The following MARK3 variants were observed in gnomAD, a reference collection of about 807,000 sequenced individuals.
MARK3 encodes microtubule affinity regulating kinase 3, also known as MAP/microtubule affinity-regulating kinase 3.
Under a neutral mutation model 90.1 loss-of-function variants are expected in MARK3, and 46 were observed. The observed-to-expected ratio is 0.51, with a 90% CI of 0.40 to 0.65. The LOEUF (loss-of-function observed/expected upper bound fraction) is 0.65, where lower values mean the gene tolerates loss of function less well. Ranked by LOEUF, MARK3 falls within the 30% of genes least tolerant of loss-of-function variation. The probability of loss-of-function intolerance (pLI) is 0.00; values close to 1 mark genes in which losing one functional copy is unlikely to be tolerated. For synonymous variants in MARK3, 321 were observed against 332.6 expected, an observed-to-expected ratio of 0.97 and a Z score of 0.38; for missense variants, 818 against 947.2, an observed-to-expected ratio of 0.86 and a Z score of 1.79.
At chr14:103,396,829 G>A (rs1271378016) in intron 1 of MARK3, among the ~76,000 whole-genome samples, 1 of 151,822 alleles carries the variant, frequency 6.6e-6, no homozygotes, top group Non-Finnish European at 1.5e-5. Context: ...ATGTCCTTTG[G>A]GTGCCTAGAG....
At chr14:103,485,473 A>G (rs2093912354) in intron 14 of MARK3, among the ~76,000 whole-genome samples, 1 of 151,790 alleles carries the variant, frequency 6.6e-6, no homozygotes, top group Non-Finnish European at 1.5e-5. Flanking sequence ...AAGTCTTCCC[A>G]TGTTACCCAG....
chr14:103,492,849 A>G (rs1005504765), intron 15 of MARK3, among the ~76,000 whole-genome samples: 1 of 152,214 alleles, frequency 6.6e-6, no homozygotes, highest in Non-Finnish European at 1.5e-5. Context: ...CGTAAACAAT[A>G]GTGAAAGGCA....
chr14:103,421,486 G>C (rs1010964554), intron 2 of MARK3, among the ~76,000 whole-genome samples: 2 of 152,178 alleles, frequency 1.3e-5, no homozygotes, highest in African/African-American at 4.8e-5. Context: ...GTCTTCAAGA[G>C]TGGAGCCCTA....
At chr14:103,466,286 T>A (rs1281818804) in intron 9 of MARK3, 57 bp from the exon 10 acceptor site, 1 of 1,377,024 alleles carries the variant, frequency 7.3e-7, no homozygotes, top group Non-Finnish European at 1.0e-6. Flanking sequence ...TTTGTAAATA[T>A]TACGGTTATC....
intron 3 of MARK3, among the ~76,000 whole-genome samples, chr14:103,438,990 A>AT (rs2092783990): frequency 1.5e-5 from 2 of 135,258 alleles, no homozygotes; most frequent in South Asian, 2.2e-4. Context: ...TCCTTCTCTA[A>AT]TTAAAAAAAA....
chr14:103,479,056 T>G (rs1167158373), intron 13 of MARK3, among the ~76,000 whole-genome samples: 2 of 152,242 alleles, frequency 1.3e-5, no homozygotes, highest in African/African-American at 4.8e-5. Flanking sequence ...GGTCTCACTC[T>G]GTCACCTAGG....
At chr14:103,462,368 C>T (rs769537480) in intron 6 of MARK3, 37 bp from the exon 7 acceptor site, 2 of 1,477,394 alleles carry the variant, frequency 1.4e-6, no homozygotes, top group Admixed American at 1.7e-5. Context: ...TACGAATCTG[C>T]ACCAGTGATG....
chr14:103,467,050 A>C lies in MARK3; in HGVS notation c.998-29A>C, dbSNP rs774096671. On this transcript the variant is annotated intron_variant, in intron 10 of 17. Coordinates refer to ENST00000429436, the MANE Select transcript of MARK3 (RefSeq NM_001128918.3). The stretch of plus-strand genomic sequence containing the variant: ...GGATGATTTCTTACCCAAACAAAAC[A>C]CATAAACTGTATTATGCCCTTCTTT... The C allele has an allele frequency of 4.3e-5, 46 of 1,065,394 alleles. No homozygotes were observed. The South Asian group carries it at 6.1e-4, about 14-fold the overall frequency. The allele number at this position is 1,065,394 out of a possible 1,614,324, so 66.0% of individuals were successfully genotyped here. A position where few individuals can be genotyped will look rare whatever the true frequency, so the allele number is the denominator to read the frequency against.
intron 14 of MARK3, among the ~76,000 whole-genome samples, chr14:103,481,303 A>G (rs993698039): frequency 6.6e-6 from 1 of 152,250 alleles, no homozygotes. Flanking sequence ...TTGGAAGAGC[A>G]GTAAGTGTAC....
At chr14:103,396,398 T>G (rs528342202) in intron 1 of MARK3, among the ~76,000 whole-genome samples, 1 of 152,304 alleles carries the variant, frequency 6.6e-6, no homozygotes, top group East Asian at 1.9e-4. Context: ...GTTACCACTT[T>G]TATTTTCTTT....
intron 2 of MARK3, among the ~76,000 whole-genome samples, chr14:103,411,001 G>A (rs1338110055): frequency 6.6e-6 from 1 of 152,184 alleles, no homozygotes; most frequent in Admixed American, 6.5e-5. Flanking sequence ...TAGGCCGGGT[G>A]CAGTGGCTCA....
chr14:103,390,086 A>T (rs971287077), intron 1 of MARK3, among the ~76,000 whole-genome samples: 6 of 151,944 alleles, frequency 3.9e-5, no homozygotes, highest in Non-Finnish European at 8.8e-5. Flanking sequence ...GTGTCTACCA[A>T]AAATATAAAA....
intron 14 of MARK3, chr14:103,489,738 T>A (rs1183685711): frequency 6.6e-6 from 1 of 152,216 alleles, no homozygotes; most frequent in African/African-American, 2.4e-5. Flanking sequence ...GCTGTATTCC[T>A]ACTTATCCTT....
In MARK3 at chr14:103,482,081, G is replaced by A. The variant is rs1256899320; in HGVS notation, c.1586+1591G>A. Among the ~76,000 whole-genome samples the A allele has an allele frequency of 2.0e-5, 3 of 151,806 alleles. No homozygotes were observed. In the South Asian group the frequency reaches 6.2e-4, roughly 32 times the overall value. ...GTACCCAGCCAGGTATTTCTTAATA[G>A]TAGTCTACTCTCTGGTAGATTTGTA... On this transcript the variant is annotated intron_variant, in intron 14 of 17. Transcript: ENST00000429436.
intron 7 of MARK3, among the ~76,000 whole-genome samples, chr14:103,463,373 A>G (rs2093438892): frequency 6.6e-6 from 1 of 152,168 alleles, no homozygotes; most frequent in Non-Finnish European, 1.5e-5. Flanking sequence ...GGCCAACTGT[A>G]TGCTGATGGC....
At chr14:103,408,967 A>T (rs2091469052) in intron 2 of MARK3, among the ~76,000 whole-genome samples, 1 of 152,050 alleles carries the variant, frequency 6.6e-6, no homozygotes, top group Admixed American at 6.6e-5. Context: ...GAGACCTCTG[A>T]GTTTCTTAGT....
intron 13 of MARK3, among the ~76,000 whole-genome samples, chr14:103,479,096 T>C (rs568204984): frequency 6.6e-6 from 1 of 152,166 alleles, no homozygotes; most frequent in South Asian, 2.1e-4. Flanking sequence ...ACACGGCTCA[T>C]TGCAACTTCG....
rs189198748 is a variant in MARK3, at chr14:103,463,127, A to C, written c.540+666A>C. 2.2e-5 allele frequency among the ~76,000 whole-genome samples: 3 copies of C among 137,416 alleles called. 1 individual carries two copies. Among genetic ancestry groups the C allele is most frequent in the African/African-American group, 8.1e-5 (3 of 37,018 alleles). 90.2% of individuals were successfully genotyped at this position (137,416 alleles called of 152,430 possible). On this transcript the variant is annotated intron_variant, in intron 7 of 17. Coordinates refer to ENST00000429436, the MANE Select transcript of MARK3 (RefSeq NM_001128918.3). ...CTGGCTTTTCACCAGCAGCATTTAC[A>C]CATGCTCAAGTCTATATACCTTTTT...
At chr14:103,479,487 C>T (rs540314739) in intron 13 of MARK3, among the ~76,000 whole-genome samples, 46 of 152,206 alleles carry the variant, frequency 3.0e-4, no homozygotes, top group African/African-American at 1.0e-3. Flanking sequence ...TCTTCACATT[C>T]TTTCTAACAA....
Sources: allele counts gnomAD v4.1 joint callset (sites outside exome capture counted in the v4.1 genomes callset), GRCh38; gene constraint gnomAD v4.1.1; transcripts MANE v1.5; gene names NCBI Gene and HGNC (gene_info 2026-07-23, HGNC 2026-07-21).